FAM120B: variants seen among roughly 807,000 people sequenced by gnomAD.
The protein encoded by FAM120B is constitutive coactivator of peroxisome proliferator-activated receptor gamma.
In FAM120B, 83 loss-of-function variants were observed where a neutral mutation model predicts 96.3. The observed-to-expected ratio is 0.86, with a 90% CI of 0.72 to 1.03. FAM120B has a LOEUF of 1.03. Among genes scored for constraint, FAM120B ranks in the 50% least tolerant of loss-of-function variants. The probability of loss-of-function intolerance (pLI) is 0.00; values close to 1 mark genes in which losing one functional copy is unlikely to be tolerated. For synonymous variants in FAM120B, 407 were observed against 402.7 expected (o/e 1.01, Z -0.13); for missense variants, 1,027 against 1,121.2 (o/e 0.92, Z 1.20).
intron 6 of FAM120B, among the ~76,000 whole-genome samples, chr6:170,362,691 T>C (rs1003729197): frequency 4.6e-5 from 7 of 151,534 alleles, no homozygotes; most frequent in Admixed American, 1.3e-4. Flanking sequence ...TTTCTTTTTT[T>C]TTTTTTTTGA....
intron 1 of FAM120B, among the ~76,000 whole-genome samples, chr6:170,307,189 C>G (rs1784343291): frequency 6.6e-6 from 1 of 152,156 alleles, no homozygotes. Flanking sequence ...GTGTTTGGCT[C>G]CTATATGTCA....
chr6:170,371,949 T>C (rs1199990799), intron 6 of FAM120B, among the ~76,000 whole-genome samples: 1 of 152,220 alleles, frequency 6.6e-6, no homozygotes, highest in African/African-American at 2.4e-5. Flanking sequence ...CATCTTTTCT[T>C]GCCGTTTTCC....
At chr6:170,403,257 G>A (rs932674392) in intron 9 of FAM120B, among the ~76,000 whole-genome samples, 1 of 152,158 alleles carries the variant, frequency 6.6e-6, no homozygotes, top group African/African-American at 2.4e-5. Flanking sequence ...GCTCTCATCA[G>A]GACTGGAATC....
chr6:170,354,496 T>A (rs1280181435), intron 5 of FAM120B, among the ~76,000 whole-genome samples: 1 of 151,818 alleles, frequency 6.6e-6, no homozygotes, highest in Non-Finnish European at 1.5e-5. Context: ...TGGGAGAAAA[T>A]TTTTACTATG....
At chr6:170,310,273 T>A (rs9459989) in intron 1 of FAM120B, among the ~76,000 whole-genome samples, 1 of 152,140 alleles carries the variant, frequency 6.6e-6, no homozygotes, top group African/African-American at 2.4e-5. Context: ...ACCAGAGTTC[T>A]GGGTTGCTGG....
At chr6:170,365,569 C>T (rs908199176) in intron 6 of FAM120B, among the ~76,000 whole-genome samples, 1 of 152,158 alleles carries the variant, frequency 6.6e-6, no homozygotes, top group African/African-American at 2.4e-5. Context: ...AAGAATTGCC[C>T]AGGAAAAAAG....
At chr6:170,374,076 A>G (rs975562525) in intron 6 of FAM120B, among the ~76,000 whole-genome samples, 3 of 152,214 alleles carry the variant, frequency 2.0e-5, no homozygotes, top group African/African-American at 7.2e-5. Flanking sequence ...GCAGCAAAAG[A>G]AAGCCTTGTT....
chr6:170,364,000 T>C lies in FAM120B; in HGVS notation c.2283+5682T>C, dbSNP rs1788623869. On this transcript the variant is annotated intron_variant, in intron 6 of 10. Coordinates refer to ENST00000476287, the MANE Select transcript of FAM120B (RefSeq NM_032448.3). This position sits in a 1 kb window ranked among gnomAD's most constrained non-coding sequence, Gnocchi z 4.5. ...GGCCTGCATCAGCCTCCCACAGTGC[T>C]GGGATTACAGTCATGAGCAGCCACG... 6.6e-6 allele frequency among the ~76,000 whole-genome samples: 1 copy of C among 152,208 alleles called. No individual in the cohort carries two copies. The highest frequency in any genetic ancestry group is 6.5e-5 in the Admixed American group (1 of 15,284).
intron 1 of FAM120B, among the ~76,000 whole-genome samples, chr6:170,314,894 A>G (rs1408537514): frequency 2.0e-5 from 3 of 152,200 alleles, no homozygotes; most frequent in East Asian, 3.8e-4. Context: ...GCACATTGTA[A>G]TGTCACACTC....
At chr6:170,342,112 A>T (rs763410880) in intron 4 of FAM120B, among the ~76,000 whole-genome samples, 1 of 152,142 alleles carries the variant, frequency 6.6e-6, no homozygotes, top group African/African-American at 2.4e-5. Flanking sequence ...TGGGAGAAGG[A>T]TGTAGGCTGG....
intron 3 of FAM120B, among the ~76,000 whole-genome samples, chr6:170,329,399 T>A (rs1272900872): frequency 1.3e-5 from 2 of 152,180 alleles, no homozygotes; most frequent in Non-Finnish European, 2.9e-5. Context: ...GCTAGAACCA[T>A]TTCTTCAGTT....
At chr6:170,331,574 A>T (rs1371870350) in intron 4 of FAM120B, among the ~76,000 whole-genome samples, 1 of 152,214 alleles carries the variant, frequency 6.6e-6, no homozygotes, top group Non-Finnish European at 1.5e-5. Context: ...TTTTTAAAGG[A>T]TAGCCAAAAT....
chr6:170,378,253 A>G (rs1352939312), intron 6 of FAM120B, among the ~76,000 whole-genome samples: 5 of 152,146 alleles, frequency 3.3e-5, no homozygotes, highest in African/African-American at 1.2e-4. Flanking sequence ...TAGCTGTAGC[A>G]CATCTGATCT....
Position 170,318,740 on chromosome 6 carries a change from C to T in FAM120B, c.1350C>T (p.Pro450=). 10 of 1,593,786 alleles carry T rather than the reference C, an allele frequency of 6.3e-6. No individual in the cohort carries two copies. The highest frequency in any genetic ancestry group is 8.5e-6 in the Non-Finnish European group (10 of 1,170,244). The change falls in exon 2 of 11, where the codon CCC becomes CCT. Residue 450 remains proline, a synonymous_variant. Coordinates refer to ENST00000476287, the MANE Select transcript of FAM120B (RefSeq NM_032448.3). ...ACTCTGAACCCAGGCAAGAAGTTCC[C>T]ATGTATACAGGCTCTGAACCCAGGC... The part of the protein sequence containing the change: ...YTDSEPRQEV[P]MYTGSEPRQE...
chr6:170,298,761 T>C (rs900340566), intron 1 of FAM120B, among the ~76,000 whole-genome samples: 1 of 152,226 alleles, frequency 6.6e-6, no homozygotes, highest in African/African-American at 2.4e-5. Flanking sequence ...GATGTGAGGC[T>C]GCTTGCAGGT....
intron 5 of FAM120B, among the ~76,000 whole-genome samples, chr6:170,351,324 G>A (rs1280041842): frequency 6.6e-6 from 1 of 152,142 alleles, no homozygotes; most frequent in Non-Finnish European, 1.5e-5. Context: ...TGACTGATTG[G>A]GGTACCTGAA....
At chr6:170,391,563 C>T (rs1481208245) in intron 8 of FAM120B, among the ~76,000 whole-genome samples, 2 of 151,976 alleles carry the variant, frequency 1.3e-5, no homozygotes, top group Non-Finnish European at 2.9e-5. Context: ...AAATCTCTAC[C>T]CAGTGGTTTA....
chr6:170,382,929 A>T (rs1789995960), intron 6 of FAM120B, among the ~76,000 whole-genome samples: 1 of 152,230 alleles, frequency 6.6e-6, no homozygotes, highest in African/African-American at 2.4e-5. Context: ...AAGACAGTAT[A>T]GTGTTGGTGA....
upstream of FAM120B, among the ~76,000 whole-genome samples, chr6:170,291,278 C>T (rs1226783162): frequency 1.3e-5 from 2 of 152,028 alleles, no homozygotes; most frequent in South Asian, 2.1e-4. Context: ...CACGCCCTCC[C>T]GGGCCACAGA....
Sources: allele counts gnomAD v4.1 joint callset (sites outside exome capture counted in the v4.1 genomes callset), GRCh38; gene constraint gnomAD v4.1.1; non-coding constraint Gnocchi (gnomAD v3.1); transcripts MANE v1.5; gene names NCBI Gene and HGNC (gene_info 2026-07-23, HGNC 2026-07-21).